The following APBA2 variants were observed in gnomAD, a reference collection of about 807,000 sequenced individuals.
APBA2 encodes the protein amyloid beta precursor protein binding family A member 2, also known as amyloid-beta A4 precursor protein-binding family A member 2.
APBA2 carries 30 observed loss-of-function variants against 75.0 expected under a neutral mutation model. The observed-to-expected ratio is 0.40, with a 90% confidence interval of 0.30 to 0.54. The LOEUF (loss-of-function observed/expected upper bound fraction) is 0.54, where lower values mean the gene tolerates loss of function less well. Among genes scored for constraint, APBA2 ranks in the 20% least tolerant of loss-of-function variants. APBA2 has a pLI of 0.49. For synonymous variants in APBA2, 444 were observed against 409.6 expected (o/e 1.08, Z -1.01); for missense variants, 801 against 1,016.1 (o/e 0.79, Z 2.88).
At chr15:29,053,385 A>G (rs1167596982) in intron 3 of APBA2, among the ~76,000 whole-genome samples, 4 of 152,176 alleles carry the variant, frequency 2.6e-5, no homozygotes, top group Non-Finnish European at 5.9e-5. Context: ...AAGGTACCCA[A>G]GATAGTCTTT....
intron 2 of APBA2, chr15:28,990,333 C>G (rs1472479560): frequency 6.6e-6 from 1 of 151,434 alleles, no homozygotes; most frequent in African/African-American, 2.4e-5. Flanking sequence ...TTGCTTGAAC[C>G]CGGGGTGGGA....
chr15:29,101,554 G>A (rs545399704), intron 9 of APBA2, 45 bp from the exon 10 acceptor site: 5 of 1,590,132 alleles, frequency 3.1e-6, no homozygotes, highest in Non-Finnish European at 4.3e-6. Context: ...TCAATGGATT[G>A]TCCCAGTAGT....
intron 6 of APBA2, among the ~76,000 whole-genome samples, chr15:29,087,838 G>T (rs1225348079): frequency 6.6e-6 from 1 of 152,114 alleles, no homozygotes; most frequent in East Asian, 1.9e-4. Flanking sequence ...TAGAGCTGCA[G>T]CCCCTCCTCC....
At chr15:28,997,235 G>T (rs1347565933) in intron 3 of APBA2, among the ~76,000 whole-genome samples, 1 of 152,200 alleles carries the variant, frequency 6.6e-6, no homozygotes, top group Non-Finnish European at 1.5e-5. Context: ...GCATTTAAGA[G>T]ATGCAGGACA....
At chr15:29,086,887 T>C (rs945693875) in intron 6 of APBA2, among the ~76,000 whole-genome samples, 1 of 152,270 alleles carries the variant, frequency 6.6e-6, no homozygotes, top group Non-Finnish European at 1.5e-5. Context: ...ACAGGATGTA[T>C]GCAAAGAGGT....
intron 6 of APBA2, among the ~76,000 whole-genome samples, chr15:29,087,822 C>T (rs2043358434): frequency 6.6e-6 from 1 of 152,198 alleles, no homozygotes; most frequent in African/African-American, 2.4e-5. Flanking sequence ...TCCTGTCCTG[C>T]CCCATTAGAG....
intron 1 of APBA2, among the ~76,000 whole-genome samples, chr15:28,897,181 C>T (rs1023333415): frequency 4.8e-5 from 5 of 104,270 alleles, no homozygotes; most frequent in Admixed American, 1.8e-4. Context: ...GCAAAAGACA[C>T]GACACACACA....
chr15:28,943,543 G>A (rs776416624), intron 2 of APBA2, among the ~76,000 whole-genome samples: 26 of 152,252 alleles, frequency 1.7e-4, no homozygotes, highest in Non-Finnish European at 3.4e-4. Flanking sequence ...GGCTCTGAGG[G>A]AGGCTTTCAG....
At chr15:29,014,767 G>A (rs1312968551) in intron 3 of APBA2, among the ~76,000 whole-genome samples, 3 of 149,692 alleles carry the variant, frequency 2.0e-5, no homozygotes, top group African/African-American at 7.4e-5. Context: ...GGAGTGCAGT[G>A]GTGCCATCAT....
intron 3 of APBA2, among the ~76,000 whole-genome samples, chr15:29,048,675 C>G (rs1405226701): frequency 6.6e-6 from 1 of 152,016 alleles, no homozygotes; most frequent in Non-Finnish European, 1.5e-5. Flanking sequence ...GTGGCTCACA[C>G]CTGTAATCCC....
chr15:28,892,318 G>A (rs555495787), intron 1 of APBA2, among the ~76,000 whole-genome samples: 191 of 152,200 alleles, frequency 1.3e-3, no homozygotes, highest in Admixed American at 2.6e-3. Context: ...CTCATGATCC[G>A]CCCACCTCGG....
intron 1 of APBA2, among the ~76,000 whole-genome samples, chr15:28,913,718 C>T (rs569255530): frequency 6.6e-6 from 1 of 152,308 alleles, no homozygotes; most frequent in Non-Finnish European, 1.5e-5. Context: ...GTGGGTCTCA[C>T]CGTCTTTAGA....
In APBA2 at chr15:28,917,571, G is replaced by A. The variant is rs76889111; in HGVS notation, c.-204-4069G>A. On this transcript the variant is annotated intron_variant, in intron 1 of 14. Transcript: ENST00000683413. ...AGCAGAAAGTTTAGGGAGTTCTCCT[G>A]TACACCCTCACCCCATTTCCCCTGT... Among the ~76,000 whole-genome samples, 920 of 151,808 alleles carry A rather than the reference G, an allele frequency of 6.1e-3. 8 individuals carry two copies. The highest frequency in any genetic ancestry group is 0.022 in the African/African-American group (897 of 41,168).
intron 2 of APBA2, among the ~76,000 whole-genome samples, chr15:28,922,873 C>A (rs2034050362): frequency 6.6e-6 from 1 of 152,214 alleles, no homozygotes; most frequent in South Asian, 2.1e-4. Context: ...GCACCATGCA[C>A]CGTGCTGAGG....
At chr15:29,115,348 G>A (rs2045029541) in intron 14 of APBA2, among the ~76,000 whole-genome samples, 1 of 152,122 alleles carries the variant, frequency 6.6e-6, no homozygotes, top group South Asian at 2.1e-4. Flanking sequence ...CTGCAGGGTC[G>A]GCTGGGAGCT....
intron 4 of APBA2, among the ~76,000 whole-genome samples, chr15:29,063,738 G>A (rs934054063): frequency 3.3e-5 from 5 of 151,286 alleles, no homozygotes; most frequent in Admixed American, 6.6e-5. Context: ...TGAGTTTTCA[G>A]TCCATGGGAA....
At chr15:29,100,365 G>A (rs1052789211) in intron 9 of APBA2, among the ~76,000 whole-genome samples, 1 of 152,254 alleles carries the variant, frequency 6.6e-6, no homozygotes, top group African/African-American at 2.4e-5. Context: ...AGGTGAAGCA[G>A]CATGCACTGC....
At chr15:29,034,360 T>C (rs1314836052) in intron 3 of APBA2, among the ~76,000 whole-genome samples, 1 of 152,228 alleles carries the variant, frequency 6.6e-6, no homozygotes, top group Non-Finnish European at 1.5e-5. Context: ...GCATAAACTT[T>C]GGAACGCACC....
intron 3 of APBA2, among the ~76,000 whole-genome samples, chr15:29,001,468 C>T (rs2038840871): frequency 6.6e-6 from 1 of 152,232 alleles, no homozygotes; most frequent in African/African-American, 2.4e-5. Flanking sequence ...ACGTGGGCCT[C>T]CCGCAGTGCT....
Sources: allele counts gnomAD v4.1 joint callset (sites outside exome capture counted in the v4.1 genomes callset), GRCh38; gene constraint gnomAD v4.1.1; transcripts MANE v1.5; gene names NCBI Gene and HGNC (gene_info 2026-07-23, HGNC 2026-07-21).